Variants in EPHB1 observed in about 807,000 individuals in gnomAD.
EPHB1 encodes the protein ephrin type-B receptor 1.
EPHB1 carries 30 observed loss-of-function variants against 94.4 expected under a neutral mutation model. That is an observed-to-expected ratio of 0.32 (90% CI 0.24 to 0.43). The LOEUF is 0.43. Among genes scored for constraint, EPHB1 ranks in the 20% least tolerant of loss-of-function variants. The pLI is 1.00. For missense variants in EPHB1, 1,055 were observed against 1,308.3 expected (o/e 0.81, Z 2.99); for synonymous variants, 522 against 489.1 (o/e 1.07, Z -0.89).
chr3:135,104,777 G>A (rs1165486581), intron 3 of EPHB1, among the ~76,000 whole-genome samples: 2 of 152,188 alleles, frequency 1.3e-5, no homozygotes, highest in African/African-American at 4.8e-5. Flanking sequence ...CCAGAACATT[G>A]TGTTTTGGAG....
chr3:134,993,097 T>G (rs1048780873), intron 3 of EPHB1, among the ~76,000 whole-genome samples: 1 of 152,210 alleles, frequency 6.6e-6, no homozygotes, highest in Non-Finnish European at 1.5e-5. Context: ...ATGTCCTGCC[T>G]GGTTGGAAGG....
chr3:135,257,268 G>C, intron 15 of EPHB1, among the ~76,000 whole-genome samples: 1 of 152,330 alleles, frequency 6.6e-6, no homozygotes. Context: ...GAGGAACTGC[G>C]TTCCTTTGGA....
intron 11 of EPHB1, among the ~76,000 whole-genome samples, chr3:135,193,166 G>A (rs4894289): frequency 0.37 from 56,351 of 152,080 alleles, 11,107 homozygotes; most frequent in East Asian, 0.63. Flanking sequence ...GCAGACATCC[G>A]CGGCCATCTC....
rs150698150 is a variant in EPHB1, at chr3:135,203,879, C to T, written c.2346+2190C>T. ...ACACTCTACCAGGAGTGTATGGTGC[C>T]GGGCTTCAGCATCCTCACCAGGCCT... On this transcript the variant is annotated intron_variant, in intron 12 of 15. Transcript: ENST00000398015. Among the ~76,000 whole-genome samples, 17 of 152,240 alleles carry T rather than the reference C, an allele frequency of 1.1e-4. No individual in the cohort carries two copies. The East Asian group carries it at 2.1e-3, about 19-fold the overall frequency.
intron 4 of EPHB1, among the ~76,000 whole-genome samples, chr3:135,108,518 C>T (rs1022518840): frequency 3.9e-5 from 6 of 152,286 alleles, no homozygotes; most frequent in African/African-American, 9.6e-5. Context: ...CTCTGAGATG[C>T]CTCTGTGTGT....
In EPHB1 at chr3:135,249,430, A is replaced by G; in HGVS notation, c.2785A>G (p.Arg929Gly). 6.2e-7 allele frequency: 1 copy of G among 1,614,036 alleles called. No homozygotes were observed. The highest frequency in any genetic ancestry group is 8.5e-7 in the Non-Finnish European group (1 of 1,179,898). ...CAGCGCCATCAAAATGGTCCAGTACAGGGACAGCTTCCTCACTGCTGGCTT... is the reference window on the plus strand; with the variant it reads ...CAGCGCCATCAAAATGGTCCAGTACGGGGACAGCTTCCTCACTGCTGGCTT... ...WLSAIKMVQY[R>G]DSFLTAGFTS... The change falls in exon 15 of 16, where the codon AGG (arginine) becomes GGG (glycine). Residue 929 changes from arginine to glycine, a missense_variant. Coordinates refer to ENST00000398015, the MANE Select transcript of EPHB1 (RefSeq NM_004441.5).
chr3:135,046,692 A>G (rs1937009814), intron 3 of EPHB1, among the ~76,000 whole-genome samples: 1 of 152,192 alleles, frequency 6.6e-6, no homozygotes, highest in Non-Finnish European at 1.5e-5. Context: ...GGTGGGGCCG[A>G]GCAATCTGTG....
chr3:134,829,009 G>A (rs1057447485), intron 1 of EPHB1, among the ~76,000 whole-genome samples: 1 of 152,234 alleles, frequency 6.6e-6, no homozygotes, highest in African/African-American at 2.4e-5. Context: ...TTTGGGGAAT[G>A]CTAACCAATT....
intron 12 of EPHB1, among the ~76,000 whole-genome samples, chr3:135,238,729 CTCTG>C (rs1238694896): frequency 6.6e-6 from 1 of 152,066 alleles, no homozygotes; most frequent in East Asian, 1.9e-4. Context: ...GGTTCTCTGT[CTCTG>C]TCTCTCTCTC....
chr3:135,193,986 A>G (rs1044740325), intron 11 of EPHB1, among the ~76,000 whole-genome samples: 1 of 152,164 alleles, frequency 6.6e-6, no homozygotes, highest in Non-Finnish European at 1.5e-5. Flanking sequence ...TCATTCATAT[A>G]TTAGGTGGTC....
chr3:135,172,160 G>A (rs1941822149), intron 9 of EPHB1, among the ~76,000 whole-genome samples: 1 of 152,142 alleles, frequency 6.6e-6, no homozygotes, highest in Non-Finnish European at 1.5e-5. Flanking sequence ...GTGGAGCAGT[G>A]GCAAGTTCTG....
At chr3:135,024,944 T>G (rs1936098776) in intron 3 of EPHB1, among the ~76,000 whole-genome samples, 1 of 152,022 alleles carries the variant, frequency 6.6e-6, no homozygotes, top group Admixed American at 6.5e-5. Context: ...TATTACTATA[T>G]GTATTATATA....
At chr3:135,004,779 G>A (rs892338012) in intron 3 of EPHB1, among the ~76,000 whole-genome samples, 6 of 151,284 alleles carry the variant, frequency 4.0e-5, no homozygotes, top group Non-Finnish European at 7.4e-5. Context: ...CATTCTTCAC[G>A]TAGTTCTCGA....
intron 1 of EPHB1, among the ~76,000 whole-genome samples, chr3:134,881,166 T>C (rs1560279656): frequency 1.3e-5 from 2 of 152,002 alleles, no homozygotes; most frequent in Non-Finnish European, 2.9e-5. Context: ...TTGTTAGCGA[T>C]GGCCCAGAGC....
chr3:134,797,787 A>G (rs1211977549), intron 1 of EPHB1, among the ~76,000 whole-genome samples: 2 of 152,302 alleles, frequency 1.3e-5, no homozygotes, highest in East Asian at 1.9e-4. Flanking sequence ...GTGGCCTGAC[A>G]GGAAGGAGCC....
intron 15 of EPHB1, among the ~76,000 whole-genome samples, chr3:135,250,337 A>G (rs1051959463): frequency 6.6e-6 from 1 of 152,148 alleles, no homozygotes; most frequent in Admixed American, 6.5e-5. Context: ...TCCATTCAGC[A>G]GATTCTGAAA....
At chr3:135,156,952 T>C (rs1227085471) in intron 6 of EPHB1, among the ~76,000 whole-genome samples, 1 of 152,204 alleles carries the variant, frequency 6.6e-6, no homozygotes, top group African/African-American at 2.4e-5. Flanking sequence ...TGTAGCTCTA[T>C]TGAAATAACA....
chr3:135,186,902 G>T (rs1175024187), intron 10 of EPHB1, among the ~76,000 whole-genome samples: 1 of 152,128 alleles, frequency 6.6e-6, no homozygotes, highest in South Asian at 2.1e-4. Context: ...TGAGGGCCAG[G>T]TTCTCAAATA....
chr3:134,864,273 A>T (rs1412661310), intron 1 of EPHB1, among the ~76,000 whole-genome samples: 1 of 152,108 alleles, frequency 6.6e-6, no homozygotes, highest in Non-Finnish European at 1.5e-5. Flanking sequence ...TCCTAGTGTC[A>T]GGAGAAGGTT....
Sources: allele counts gnomAD v4.1 joint callset (sites outside exome capture counted in the v4.1 genomes callset), GRCh38; gene constraint gnomAD v4.1.1; transcripts MANE v1.5; gene names NCBI Gene and HGNC (gene_info 2026-07-23, HGNC 2026-07-21).